RIMS3: variants seen among roughly 807,000 people sequenced by gnomAD.
RIMS3 encodes regulating synaptic membrane exocytosis protein 3.
Under a neutral mutation model 29.2 loss-of-function variants are expected in RIMS3, and 15 were observed. The observed-to-expected ratio is 0.51, with a 90% CI of 0.34 to 0.79. The LOEUF (loss-of-function observed/expected upper bound fraction) is 0.79, where lower values mean the gene tolerates loss of function less well. Among genes scored for constraint, RIMS3 ranks in the 30% least tolerant of loss-of-function variants. The pLI is 0.01. For missense variants in RIMS3, 342 were observed against 421.4 expected (o/e 0.81, Z 1.65); for synonymous variants, 161 against 170.1 (o/e 0.95, Z 0.41).
chr1:40,672,929 T>C, the RIMS3 span, among the ~76,000 whole-genome samples: 1 of 151,030 alleles, frequency 6.6e-6, no homozygotes, highest in Admixed American at 6.6e-5. Flanking sequence ...CCTGTAATCC[T>C]GGCACTGTGG....
chr1:40,659,493 G>A (rs1405886940), intron 1 of RIMS3, among the ~76,000 whole-genome samples: 1 of 152,052 alleles, frequency 6.6e-6, no homozygotes, highest in Non-Finnish European at 1.5e-5. Flanking sequence ...CAGTTAGGAG[G>A]CTGCAGCACT....
intron 2 of RIMS3, among the ~76,000 whole-genome samples, chr1:40,646,198 A>C (rs1646593896): frequency 6.6e-6 from 1 of 152,232 alleles, no homozygotes; most frequent in Admixed American, 6.5e-5. Context: ...ATTGTAGCAG[A>C]GGTCTCAGAA....
chr1:40,658,992 G>A (rs145167096), intron 1 of RIMS3, among the ~76,000 whole-genome samples: 13 of 152,286 alleles, frequency 8.5e-5, no homozygotes, highest in African/African-American at 2.6e-4. Context: ...TGCCTACGTC[G>A]GAGAAGCCCA....
At chr1:40,638,879 G>A (rs1436874022) in intron 3 of RIMS3, among the ~76,000 whole-genome samples, 2 of 152,198 alleles carry the variant, frequency 1.3e-5, no homozygotes, top group African/African-American at 4.8e-5. Flanking sequence ...AATTTCCCGA[G>A]GTCCCATGGT....
intron 1 of RIMS3, among the ~76,000 whole-genome samples, chr1:40,662,430 T>C (rs1376021574): frequency 1.3e-5 from 2 of 151,804 alleles, no homozygotes; most frequent in Non-Finnish European, 2.9e-5. Context: ...AAGTCCCTCC[T>C]TTCTACACAC....
chr1:40,626,355 C>T lies in RIMS3; in HGVS notation c.*162G>A. The T allele has an allele frequency of 1.4e-6, 1 of 697,076 alleles. No individual in the cohort carries two copies. The highest frequency in any genetic ancestry group is 2.6e-6 in the Non-Finnish European group (1 of 390,892). The allele number at this position is 697,076 out of a possible 1,614,324, so 43.2% of individuals were successfully genotyped here. A position where few individuals can be genotyped will look rare whatever the true frequency, so the allele number is the denominator to read the frequency against. Reference sequence around the variant, plus strand: ...ACACACACACACGCACGCACACACGCACACACTACAGTCTCCACTGCCAGC... The same window carrying T: ...ACACACACACACGCACGCACACACGTACACACTACAGTCTCCACTGCCAGC... On this transcript the variant is annotated 3_prime_UTR_variant, in exon 8 of 8. Transcript: ENST00000372684.
rs1221348697 is a variant in RIMS3, at chr1:40,641,787, T to A, written c.139A>T (p.Ser47Cys). Residue 47 changes from serine (S) to cysteine (C), a missense_variant, in exon 3 of 8, where the codon AGC (serine) becomes TGC (cysteine). Physicochemically the swap from Ser to Cys is moderately radical, Grantham distance 112 (BLOSUM62 -1). Transcript: ENST00000372684. ...GCCACCATCTTGGCACCCAGGCTGC[T>A]CCGCCGCTTCTTGGCGGTGGTGGTC... The part of the protein sequence containing the change: ...AGTTTAKKRR[S>C]SLGAKMVAIV... The A allele has an allele frequency of 6.2e-7, 1 of 1,613,120 alleles. No individual in the cohort carries two copies. Among genetic ancestry groups the A allele is most frequent in the Non-Finnish European group, 8.5e-7 (1 of 1,179,154 alleles).
the RIMS3 span, among the ~76,000 whole-genome samples, chr1:40,689,943 C>G: frequency 1.3e-5 from 2 of 152,286 alleles, no homozygotes; most frequent in South Asian, 2.1e-4. Context: ...ACGTATACCT[C>G]CAGGATCCTA....
the RIMS3 span, among the ~76,000 whole-genome samples, chr1:40,682,555 T>G: frequency 7.2e-5 from 11 of 151,854 alleles, no homozygotes; most frequent in Non-Finnish European, 1.3e-4. Context: ...CGAGGTAACT[T>G]TTGCATTCCC....
At chr1:40,655,452 A>G (rs1394806353) in intron 1 of RIMS3, among the ~76,000 whole-genome samples, 3 of 152,200 alleles carry the variant, frequency 2.0e-5, no homozygotes, top group African/African-American at 7.2e-5. Flanking sequence ...GCAGGTTGTG[A>G]AAACAATGGC....
chr1:40,627,970 CCTAGA>C (rs1646465614), intron 7 of RIMS3, among the ~76,000 whole-genome samples: 1 of 152,100 alleles, frequency 6.6e-6, no homozygotes, highest in Admixed American at 6.6e-5. Context: ...GAGGAGCAGC[CCTAGA>C]TGAGAAGTTG....
At position 40,638,585 on chromosome 1, in the gene RIMS3, C is replaced by T. The variant is rs1047995914; in HGVS notation, c.218-2528G>A. On this transcript the variant is annotated intron_variant, in intron 3 of 7. Transcript: ENST00000372684. Reference sequence around the variant, plus strand: ...CTTCTGGAATGGTCCTGAGCCCTCTCTCTACCCTGACCCAGATCCCAGAGT... The same window carrying T: ...CTTCTGGAATGGTCCTGAGCCCTCTTTCTACCCTGACCCAGATCCCAGAGT... Among the ~76,000 whole-genome samples, 10 of 152,236 alleles carry T rather than the reference C, an allele frequency of 6.6e-5. 1 individual carries two copies. Among genetic ancestry groups the T allele is most frequent in the Admixed American group, 3.3e-4 (5 of 15,284 alleles).
upstream of RIMS3, among the ~76,000 whole-genome samples, chr1:40,670,296 C>T (rs1642475047): frequency 6.6e-6 from 1 of 151,748 alleles, no homozygotes. Context: ...ATAATAAAAA[C>T]TGGGTTAGAT....
At chr1:40,684,147 C>T in the RIMS3 span, among the ~76,000 whole-genome samples, 1 of 152,166 alleles carries the variant, frequency 6.6e-6, no homozygotes, top group African/African-American at 2.4e-5. Flanking sequence ...CAACTTGGGA[C>T]TAATTGGTTA....
the RIMS3 span, among the ~76,000 whole-genome samples, chr1:40,687,149 A>G: frequency 6.6e-6 from 1 of 152,206 alleles, no homozygotes; most frequent in Non-Finnish European, 1.5e-5. Context: ...ACAGTGGCCA[A>G]AAGGTGAAAG....
intron 1 of RIMS3, among the ~76,000 whole-genome samples, chr1:40,660,377 TC>T (rs759442515): frequency 1.3e-5 from 2 of 149,120 alleles, no homozygotes; most frequent in Middle Eastern, 3.4e-3. Flanking sequence ...TGTTGGGGCT[TC>T]TTTTTTTTTT....
rs758890574 is a variant in RIMS3 at position 40,626,714 on chromosome 1, C to A, written c.730G>T (p.Asp244Tyr). ...GKVLQVIVWGDYGRMDHKCFM... is the reference protein window; with the variant it reads ...GKVLQVIVWGYYGRMDHKCFM... ...CACTTGTGGTCCATGCGGCCATAGT[C>A]TCCCCAGACGATCACCTGCCAGGAG... The change falls in exon 8 of 8, where the codon GAC (aspartate) becomes TAC (tyrosine). Residue 244 changes from aspartate to tyrosine, a missense_variant. Transcript: ENST00000372684. 3 of 1,614,112 alleles carry A rather than the reference C, an allele frequency of 1.9e-6. No individual in the cohort carries two copies. The highest frequency in any genetic ancestry group is 2.5e-6 in the Non-Finnish European group (3 of 1,180,044).
At chr1:40,638,500 C>G (rs1646535107) in intron 3 of RIMS3, among the ~76,000 whole-genome samples, 1 of 152,214 alleles carries the variant, frequency 6.6e-6, no homozygotes. Flanking sequence ...ACCATCCCAT[C>G]TGTCCCATCA....
intron 1 of RIMS3, among the ~76,000 whole-genome samples, chr1:40,648,918 A>G (rs1366399061): frequency 6.6e-6 from 1 of 152,194 alleles, no homozygotes; most frequent in African/African-American, 2.4e-5. Flanking sequence ...AGGATGGCCC[A>G]TCGCATCACC....
Sources: allele counts gnomAD v4.1 joint callset (sites outside exome capture counted in the v4.1 genomes callset), GRCh38; gene constraint gnomAD v4.1.1; transcripts MANE v1.5; gene names NCBI Gene and HGNC (gene_info 2026-07-23, HGNC 2026-07-21).